Variants in LZTS2 observed in about 807,000 individuals in gnomAD.
The protein encoded by LZTS2 is leucine zipper tumor suppressor 2.
In LZTS2, 32 loss-of-function variants were observed where a neutral mutation model predicts 60.6. That is an observed-to-expected ratio of 0.53 (90% CI 0.40 to 0.71). The LOEUF (loss-of-function observed/expected upper bound fraction) is 0.71. Ranked by LOEUF, LZTS2 falls within the 30% of genes least tolerant of loss-of-function variation. LZTS2 has a pLI of 0.00. For synonymous variants in LZTS2, 360 were observed against 393.1 expected (o/e 0.92, Z 1.00); for missense variants, 792 against 901.9 (o/e 0.88, Z 1.56).
At chr10:100,997,727 C>T (rs1851944674), upstream of LZTS2, among the ~76,000 whole-genome samples, 1 of 152,234 alleles carries the variant, frequency 6.6e-6, no homozygotes, top group African/African-American at 2.4e-5. Context: ...GGCCTGTGCC[C>T]CCAACCCAAC....
At chr10:101,003,443 G>A (rs1852090086) in intron 1 of LZTS2, 64 bp from the exon 3 acceptor site, 1 of 1,475,250 alleles carries the variant, frequency 6.8e-7, no homozygotes, top group Non-Finnish European at 9.0e-7. Flanking sequence ...AGGGCAGGGA[G>A]TGTCATAAGG....
chr10:100,999,736 C>T (rs1473975623), exon 1 of LZTS2: 1 of 151,764 alleles, frequency 6.6e-6, no homozygotes, highest in Non-Finnish European at 1.5e-5. Context: ...CTCGGACCCT[C>T]CCCTGCGCGG....
exon 1 of LZTS2, chr10:101,002,402 C>A (rs1852058618): frequency 1.5e-5 from 11 of 758,130 alleles, no homozygotes; most frequent in Non-Finnish European, 2.2e-5. Context: ...GGGATCAGGG[C>A]TTGTTACTGA....
exon 3 of LZTS2, chr10:101,005,688 G>A: frequency 6.3e-7 from 1 of 1,596,654 alleles, no homozygotes. Flanking sequence ...GGGAGCTCGG[G>A]CCGAGGCTTG....
exon 4 of LZTS2, chr10:101,006,817 A>G (rs807024): frequency 0.27 from 410,526 of 1,539,462 alleles, 58,440 homozygotes; most frequent in East Asian, 0.57. Flanking sequence ...TCCTCCTGGC[A>G]GAGAGTGATG....
At chr10:101,002,937 G>A in exon 1 of LZTS2, 13 of 1,609,892 alleles carry the variant, frequency 8.1e-6, no homozygotes, top group Non-Finnish European at 1.0e-5. Context: ...TCTCTGGAAA[G>A]CTGGAGAAGG....
exon 3 of LZTS2, chr10:101,005,584 CAGG>C (rs1448637944): frequency 2.5e-6 from 4 of 1,611,034 alleles, no homozygotes; most frequent in Admixed American, 1.7e-5. Flanking sequence ...CCAGCTGCAG[CAGG>C]AGAAGCGGCA....
intron 3 of LZTS2, 103 bp downstream of exon 4, chr10:101,005,818 C>T (rs1852169429): frequency 7.3e-6 from 10 of 1,371,512 alleles, no homozygotes; most frequent in Non-Finnish European, 8.6e-6. Context: ...CCCAGAGGTC[C>T]TCCCCTTTCT....
intron 1 of LZTS2, chr10:101,003,249 T>C: frequency 1.9e-6 from 1 of 524,242 alleles, no homozygotes. Flanking sequence ...TACGTTTGAC[T>C]TTGGGCAAGG....
chr10:101,006,793 C>T, exon 4 of LZTS2: 1 of 1,544,552 alleles, frequency 6.5e-7, no homozygotes, highest in East Asian at 2.3e-5. Context: ...TGCCACCTGC[C>T]ACCGCTGACC....
chr10:101,005,029 G>A (rs1852140876), intron 2 of LZTS2, among the ~76,000 whole-genome samples: 2 of 152,002 alleles, frequency 1.3e-5, no homozygotes, highest in Admixed American at 1.3e-4. Context: ...TTTGAGACAA[G>A]GTCTCATTCT....
exon 4 of LZTS2, chr10:101,007,620 A>G (rs1314227559): frequency 4.0e-6 from 5 of 1,249,564 alleles, no homozygotes; most frequent in Non-Finnish European, 5.2e-6. Context: ...CTCGGTTCCC[A>G]GGTTTGAGCT....
At chr10:101,007,589 G>C in exon 4 of LZTS2, 1 of 1,291,782 alleles carries the variant, frequency 7.7e-7, no homozygotes, top group Non-Finnish European at 1.0e-6. Context: ...GCCCACATTG[G>C]GGGACAGGGC....
chr10:100,997,027 TGGGTGGG>T (rs1851929664), upstream of LZTS2: 1 of 152,240 alleles, frequency 6.6e-6, no homozygotes, highest in Non-Finnish European at 1.5e-5. Context: ...CTCCCCTCCC[TGGGTGGG>T]GGGCGCGGCC....
At chr10:101,007,241 G>T in exon 4 of LZTS2, 1 of 1,453,854 alleles carries the variant, frequency 6.9e-7, no homozygotes, top group Non-Finnish European at 9.0e-7. Context: ...AGGCCCCAGG[G>T]TCCACGGATG....
exon 2 of LZTS2, chr10:101,003,587 C>G: frequency 6.3e-7 from 1 of 1,583,792 alleles, no homozygotes; most frequent in Non-Finnish European, 8.6e-7. Flanking sequence ...CCCTGCCTAG[C>G]TTCATGGGTC....
exon 1 of LZTS2, chr10:101,000,669 CAG>C: frequency 6.6e-6 from 1 of 152,440 alleles, no homozygotes; most frequent in Non-Finnish European, 1.5e-5. Flanking sequence ...GGAAATGCAA[CAG>C]AGGTGCCAGC....
chr10:101,003,438 A>G, intron 1 of LZTS2, 69 bp from the exon 3 acceptor site: 1 of 1,467,390 alleles, frequency 6.8e-7, no homozygotes, highest in South Asian at 1.5e-5. Context: ...ACGGGAGGGC[A>G]GGGAGTGTCA....
exon 4 of LZTS2, chr10:101,006,760 G>A (rs777678015): frequency 3.8e-6 from 6 of 1,574,210 alleles, no homozygotes; most frequent in African/African-American, 2.7e-5. Flanking sequence ...ATGCTGAGGC[G>A]GCCGGACTCC....
Sources: gnomAD v4.1 joint callset for allele counts (sites outside exome capture counted in the v4.1 genomes callset) on GRCh38, gnomAD v4.1.1 for gene constraint, MANE v1.5 for transcripts, NCBI Gene and HGNC (gene_info 2026-07-23, HGNC 2026-07-21) for gene names.